Variants in SOX5 observed in about 807,000 individuals in gnomAD.
SOX5 encodes the protein SRY-box transcription factor 5, also known as transcription factor SOX-5.
Under a neutral mutation model 92.0 loss-of-function variants are expected in SOX5, and 9 were observed. The observed-to-expected ratio is 0.10, with a 90% CI of 0.06 to 0.17. The LOEUF is 0.17. Ranked by LOEUF, SOX5 falls within the 10% of genes least tolerant of loss-of-function variation. SOX5 has a pLI of 1.00. For missense variants in SOX5, 642 were observed against 944.5 expected (o/e 0.68, Z 4.20); for synonymous variants, 344 against 336.3 (o/e 1.02, Z -0.25).
chr12:23,908,601 A>T (rs1420965129), intron 1 of SOX5, among the ~76,000 whole-genome samples: 5 of 151,862 alleles, frequency 3.3e-5, no homozygotes, highest in Non-Finnish European at 7.4e-5. Context: ...TCTTTTCTCA[A>T]ACAACAGCTT....
chr12:23,702,120 T>TAATAA (rs1238375175), intron 6 of SOX5, among the ~76,000 whole-genome samples: 1 of 152,084 alleles, frequency 6.6e-6, no homozygotes, highest in Non-Finnish European at 1.5e-5. Flanking sequence ...ATACGCTGTT[T>TAATAA]TAAGCGTAAT....
intron 1 of SOX5, among the ~76,000 whole-genome samples, chr12:23,929,606 C>T (rs929689306): frequency 2.0e-5 from 3 of 151,862 alleles, no homozygotes; most frequent in Non-Finnish European, 4.4e-5. Context: ...ACAACAACAA[C>T]CTTTCTAACA....
chr12:24,306,197 G>T (rs1204059526), intron 2 of SOX5, among the ~76,000 whole-genome samples: 1 of 152,172 alleles, frequency 6.6e-6, no homozygotes, highest in African/African-American at 2.4e-5. Flanking sequence ...GTGGGCGTTT[G>T]CTGTTCACCT....
intron 9 of SOX5, among the ~76,000 whole-genome samples, chr12:23,584,971 C>A (rs1307051702): frequency 6.6e-6 from 1 of 151,646 alleles, no homozygotes; most frequent in Non-Finnish European, 1.5e-5. Context: ...CTCTTTACAC[C>A]CACATATACC....
intron 4 of SOX5, among the ~76,000 whole-genome samples, chr12:24,161,004 C>T (rs1952698111): frequency 6.6e-6 from 1 of 151,994 alleles, no homozygotes; most frequent in Admixed American, 6.6e-5. Context: ...TATCATTATC[C>T]TCACTTTGCA....
chr12:23,760,170 G>A (rs1453287553), intron 3 of SOX5, among the ~76,000 whole-genome samples: 1 of 152,032 alleles, frequency 6.6e-6, no homozygotes, highest in Admixed American at 6.6e-5. Flanking sequence ...TATTTGCATA[G>A]CATTTCCATT....
rs376457578 is a variant in SOX5 at position 24,411,547 on chromosome 12, G to T, written c.-250-42908C>A. Reference sequence around the variant, plus strand: ...GTGGAATTTTGTCAGTGCACTTTTTGCAGGAATTTATAGCATTGTGTGATG... The same window carrying T: ...GTGGAATTTTGTCAGTGCACTTTTTTCAGGAATTTATAGCATTGTGTGATG... On this transcript the variant is annotated intron_variant, in intron 1 of 4. Transcript: ENST00000446891. Among the ~76,000 whole-genome samples the T allele has an allele frequency of 7.9e-5, 12 of 152,158 alleles. No individual in the cohort carries two copies. The East Asian group carries it at 1.7e-3, about 22-fold the overall frequency.
intron 1 of SOX5, among the ~76,000 whole-genome samples, chr12:23,903,480 A>G (rs1294980952): frequency 6.6e-6 from 1 of 152,184 alleles, no homozygotes; most frequent in Non-Finnish European, 1.5e-5. Context: ...GCAACTCAGG[A>G]GGCTGAGGTG....
At chr12:23,679,162 A>T (rs371932924) in intron 6 of SOX5, among the ~76,000 whole-genome samples, 25 of 152,260 alleles carry the variant, frequency 1.6e-4, no homozygotes, top group East Asian at 1.2e-3. Context: ...GGAGAAAGAG[A>T]AATCTAGTAA....
intron 3 of SOX5, among the ~76,000 whole-genome samples, chr12:23,770,580 T>C (rs1439477557): frequency 6.6e-6 from 1 of 152,166 alleles, no homozygotes; most frequent in Admixed American, 6.5e-5. Context: ...TACTTTGTTA[T>C]GGAACTTATA....
intron 3 of SOX5, among the ~76,000 whole-genome samples, chr12:23,807,415 G>A (rs2095799237): frequency 6.6e-6 from 1 of 152,048 alleles, no homozygotes. Flanking sequence ...GAAGAAGGTG[G>A]CCATTTGAAG....
intron 2 of SOX5, among the ~76,000 whole-genome samples, chr12:24,351,314 T>C (rs997080446): frequency 1.1e-4 from 16 of 152,190 alleles, no homozygotes; most frequent in Non-Finnish European, 1.6e-4. Context: ...TTGTAGACCA[T>C]TGTATTCCCA....
chr12:23,557,164 A>G (rs573471219), intron 11 of SOX5, among the ~76,000 whole-genome samples: 1 of 152,330 alleles, frequency 6.6e-6, no homozygotes, highest in East Asian at 1.9e-4. Context: ...GACAAACAAA[A>G]CTAACCTTTA....
intron 3 of SOX5, among the ~76,000 whole-genome samples, chr12:24,216,101 G>C (rs1959150958): frequency 6.6e-6 from 1 of 152,222 alleles, no homozygotes; most frequent in African/African-American, 2.4e-5. Flanking sequence ...GAAATTCCCT[G>C]AGTGATAGAT....
At chr12:24,002,235 T>C (rs1039032590) in intron 4 of SOX5, among the ~76,000 whole-genome samples, 1 of 151,542 alleles carries the variant, frequency 6.6e-6, no homozygotes, top group Non-Finnish European at 1.5e-5. Flanking sequence ...AAATAGAGAA[T>C]AGTAAAACAA....
chr12:23,689,524 A>G (rs1294266895), intron 6 of SOX5, among the ~76,000 whole-genome samples: 1 of 152,118 alleles, frequency 6.6e-6, no homozygotes, highest in African/African-American at 2.4e-5. Context: ...GTTAATTCTA[A>G]TTAATCTCTG....
intron 7 of SOX5, among the ~76,000 whole-genome samples, chr12:23,664,908 A>G (rs10771016): frequency 0.73 from 111,712 of 152,008 alleles, 41,774 homozygotes; most frequent in African/African-American, 0.89. Flanking sequence ...ACCTAACTTA[A>G]GTCAAGTCAG....
At chr12:23,721,968 A>G (rs1276317452) in intron 6 of SOX5, among the ~76,000 whole-genome samples, 1 of 152,218 alleles carries the variant, frequency 6.6e-6, no homozygotes, top group African/African-American at 2.4e-5. Context: ...AATAGAGAGC[A>G]TGGTGTTCAC....
chr12:24,127,106 T>C (rs1405949436), intron 4 of SOX5, among the ~76,000 whole-genome samples: 1 of 151,926 alleles, frequency 6.6e-6, no homozygotes, highest in Non-Finnish European at 1.5e-5. Flanking sequence ...AACAAGTTGA[T>C]GCCAGGCACA....
Sources: gnomAD v4.1 joint callset for allele counts (sites outside exome capture counted in the v4.1 genomes callset) on GRCh38, gnomAD v4.1.1 for gene constraint, MANE v1.5 for transcripts, NCBI Gene and HGNC (gene_info 2026-07-23, HGNC 2026-07-21) for gene names.